MBNL3: variants seen among roughly 807,000 people sequenced by gnomAD.
MBNL3 encodes muscleblind-like protein 3.
Under a neutral mutation model 24.5 loss-of-function variants are expected in MBNL3, and 6 were observed. The ratio of observed to expected loss-of-function variants is 0.25; its 90% CI spans 0.13 to 0.48. The LOEUF is 0.48. MBNL3 is among the 20% of genes least tolerant of loss of function. The pLI, the probability that MBNL3 is intolerant of heterozygous loss-of-function variation, is 0.99. For synonymous variants in MBNL3, 100 were observed against 101.7 expected (o/e 0.98, Z 0.10); for missense variants, 230 against 293.5 (o/e 0.78, Z 1.58).
rs769609350 is a variant in MBNL3, at chrX:132,391,014, C to A, written c.604G>T (p.Asp202Tyr). ...ENDCRYAHPTDASMIEASDNT... is the reference protein window; with the variant it reads ...ENDCRYAHPTYASMIEASDNT... ...TCACTCGCTTCAATCATGGAAGCATCAGTAGGGTGAGCATAGCGGCAATCA... is the reference window on the plus strand; with the variant it reads ...TCACTCGCTTCAATCATGGAAGCATAAGTAGGGTGAGCATAGCGGCAATCA... The change falls in exon 5 of 9, where the codon GAT becomes TAT. Residue 202 changes from aspartate (D) to tyrosine (Y), a missense_variant. Coordinates refer to ENST00000370853, the MANE Select transcript of MBNL3 (RefSeq NM_001386889.1). The A allele has an allele frequency of 2.5e-5, 30 of 1,209,281 alleles. No homozygotes were observed. The highest frequency in any genetic ancestry group is 3.4e-5 in the Non-Finnish European group (30 of 894,953).
intron 2 of MBNL3, among the ~76,000 whole-genome samples, chrX:132,414,112 A>G (rs947645960): frequency 2.7e-5 from 3 of 112,059 alleles, no homozygotes; most frequent in African/African-American, 6.5e-5. Context: ...TTTTCAGTCA[A>G]TCCCTGATTA....
intron 2 of MBNL3, chrX:132,429,772 TA>T (rs1263136758): frequency 9.0e-6 from 1 of 111,727 alleles, no homozygotes; most frequent in Non-Finnish European, 1.9e-5. Context: ...ACTAAAGCAA[TA>T]GCCTAATTGA....
intron 3 of MBNL3, among the ~76,000 whole-genome samples, chrX:132,401,953 G>A (rs1941011806): frequency 9.0e-6 from 1 of 111,419 alleles, no homozygotes; most frequent in East Asian, 2.8e-4. Context: ...TTATGAAAAT[G>A]ATGTAAAAAG....
intron 2 of MBNL3, among the ~76,000 whole-genome samples, chrX:132,412,227 G>T (rs770661769): frequency 1.4e-4 from 16 of 111,355 alleles, no homozygotes; most frequent in Non-Finnish European, 2.5e-4. Flanking sequence ...ATTCCAAGGG[G>T]TCTCTGGCCA....
chrX:132,409,480 C>A (rs1250579771), intron 2 of MBNL3, among the ~76,000 whole-genome samples: 1 of 111,598 alleles, frequency 9.0e-6, no homozygotes, highest in Non-Finnish European at 1.9e-5. Context: ...TACCCTATCA[C>A]ATTGGGTCTA....
chrX:132,418,830 T>G (rs1401269286), intron 2 of MBNL3, among the ~76,000 whole-genome samples: 1 of 112,681 alleles, frequency 8.9e-6, no homozygotes, highest in Non-Finnish European at 1.9e-5. Context: ...TGGAGTGCAG[T>G]GGCACCATCA....
At chrX:132,479,530 A>G (rs757240656) in intron 1 of MBNL3, among the ~76,000 whole-genome samples, 1 of 112,063 alleles carries the variant, frequency 8.9e-6, no homozygotes, top group Non-Finnish European at 1.9e-5. Flanking sequence ...TGCTCTGGGC[A>G]TCATCTAATA....
At chrX:132,390,791 A>G in intron 5 of MBNL3, 56 bp downstream of exon 5, 2 of 975,203 alleles carry the variant, frequency 2.1e-6, no homozygotes, top group Non-Finnish European at 2.9e-6. Flanking sequence ...AGACAAATTG[A>G]GGAATATACA....
At chrX:132,440,780 T>C (rs1448574818) in intron 1 of MBNL3, among the ~76,000 whole-genome samples, 1 of 112,554 alleles carries the variant, frequency 8.9e-6, no homozygotes, top group African/African-American at 3.2e-5. Flanking sequence ...TTTAACTCAG[T>C]GTGAACCAGC....
At chrX:132,441,888 C>G (rs1263312631) in intron 1 of MBNL3, among the ~76,000 whole-genome samples, 1 of 112,057 alleles carries the variant, frequency 8.9e-6, no homozygotes, top group African/African-American at 3.2e-5. Context: ...TGTGGTATAT[C>G]CACACAATGG....
chrX:132,455,723 C>T (rs978058637), intron 1 of MBNL3, among the ~76,000 whole-genome samples: 2 of 112,027 alleles, frequency 1.8e-5, no homozygotes, highest in Non-Finnish European at 3.8e-5. Flanking sequence ...TTATTGACAG[C>T]TCATATTCAT....
chrX:132,382,572 G>C (rs776226234), intron 7 of MBNL3, among the ~76,000 whole-genome samples: 5 of 112,057 alleles, frequency 4.5e-5, no homozygotes, highest in Non-Finnish European at 9.4e-5. Context: ...TACTCAAAAG[G>C]CTAAATTTTC....
intron 3 of MBNL3, among the ~76,000 whole-genome samples, chrX:132,396,449 T>C (rs758070218): frequency 3.7e-5 from 3 of 81,202 alleles, no homozygotes; most frequent in South Asian, 1.2e-3. Context: ...TTCATATATA[T>C]TCCTATATAT....
At chrX:132,427,759 T>C in intron 2 of MBNL3, among the ~76,000 whole-genome samples, 1 of 112,078 alleles carries the variant, frequency 8.9e-6, no homozygotes, top group South Asian at 3.7e-4. Context: ...AAAAAGGTTT[T>C]CTGTTTGCAT....
chrX:132,396,426 A>G (rs1256290431), intron 3 of MBNL3, among the ~76,000 whole-genome samples: 1 of 83,439 alleles, frequency 1.2e-5, no homozygotes, highest in Admixed American at 1.5e-4. Flanking sequence ...CTATATATAT[A>G]TTCCTATATA....
At chrX:132,468,007 C>G (rs183456660) in intron 1 of MBNL3, among the ~76,000 whole-genome samples, 2 of 112,139 alleles carry the variant, frequency 1.8e-5, no homozygotes, top group East Asian at 5.6e-4. Context: ...ATCAGCAAGA[C>G]AGACTGCAAG....
chrX:132,384,627 A>T, intron 7 of MBNL3, 36 bp downstream of exon 7: 2 of 1,154,052 alleles, frequency 1.7e-6, no homozygotes, highest in Non-Finnish European at 2.3e-6. Context: ...ATTTTTTCAG[A>T]TTAGAAAATG....
chrX:132,379,656 ACT>A lies in MBNL3; in HGVS notation c.*8_*9del. 1.7e-6 allele frequency: 2 copies of A among 1,196,084 alleles called. No individual in the cohort carries two copies. The highest frequency in any genetic ancestry group is 2.3e-6 in the Non-Finnish European group (2 of 883,428). Reference sequence around the variant, plus strand: ...CATGGAAAGATTCTGATACTCCATAACTCTGCTGTTCAGAATTTCAGCTGAAA... The same window carrying A: ...CATGGAAAGATTCTGATACTCCATAACTGCTGTTCAGAATTTCAGCTGAAA... On this transcript the variant is annotated 3_prime_UTR_variant, in exon 9 of 9. Transcript: ENST00000370853.
At chrX:132,430,365 C>T (rs780782082) in intron 2 of MBNL3, 3 of 111,250 alleles carry the variant, frequency 2.7e-5, no homozygotes, top group Non-Finnish European at 5.7e-5. Context: ...AACACTGGTA[C>T]GAGACTCTTA....
Sources: gnomAD v4.1 joint callset for allele counts (sites outside exome capture counted in the v4.1 genomes callset) on GRCh38, gnomAD v4.1.1 for gene constraint, MANE v1.5 for transcripts, NCBI Gene and HGNC (gene_info 2026-07-23, HGNC 2026-07-21) for gene names.